Variants in SNRPN observed in about 807,000 individuals in gnomAD.
SNRPN encodes small nuclear ribonucleoprotein-associated protein N.
A neutral mutation model predicts 25.2 loss-of-function variants in SNRPN; 7 were observed. The observed-to-expected ratio is 0.28, with a 90% CI of 0.16 to 0.52. The LOEUF is 0.52. SNRPN is among the 20% of genes least tolerant of loss of function. The pLI is 0.96. For missense variants in SNRPN, 196 were observed against 322.5 expected (o/e 0.61, Z 3.00); for synonymous variants, 124 against 110.6 (o/e 1.12, Z -0.76).
intron 3 of SNRPN, among the ~76,000 whole-genome samples, chr15:24,945,343 TAAAAAA>T (rs11422448): frequency 3.6e-5 from 3 of 83,734 alleles, no homozygotes; most frequent in African/African-American, 9.9e-5. Context: ...ACCCACCATG[TAAAAAA>T]AAAAAAAAAA....
At chr15:24,950,544 C>CTT (rs1024998270), upstream of SNRPN, among the ~76,000 whole-genome samples, 133 of 97,092 alleles carry the variant, frequency 1.4e-3, no homozygotes, top group African/African-American at 2.3e-3. Flanking sequence ...GTTCTCATTT[C>CTT]TTTTTTTTTT....
In SNRPN at chr15:24,919,443, A is replaced by AT. The variant is rs1176424406; in HGVS notation, c.-504-568_-504-567insT. Among the ~76,000 whole-genome samples the AT allele has an allele frequency of 6.6e-3, 1,003 of 151,586 alleles. 15 individuals carry two copies. Among genetic ancestry groups the AT allele is most frequent in the Middle Eastern group, 0.065 (19 of 294 alleles). ...GAGACTCTGTCTCAAAAAAAAAAAA[A>AT]AAATATTCAATTATGCTTGTTAAAG... is the stretch of plus-strand genomic sequence containing the variant. On this transcript the variant is annotated intron_variant, in intron 2 of 11. Transcript: ENST00000400097.
At chr15:24,969,108 T>C (rs1300445899) in intron 3 of SNRPN, among the ~76,000 whole-genome samples, 1 of 152,090 alleles carries the variant, frequency 6.6e-6, no homozygotes, top group East Asian at 1.9e-4. Context: ...GGCTTGTTTA[T>C]GGCCACCATT....
intron 1 of SNRPN, among the ~76,000 whole-genome samples, chr15:24,956,146 G>A (rs936497732): frequency 6.6e-6 from 1 of 152,184 alleles, no homozygotes; most frequent in African/African-American, 2.4e-5. Context: ...CTGGAATGAT[G>A]TGCAGAACTT....
chr15:24,884,637 T>C (rs189276103), intron 1 of SNRPN, among the ~76,000 whole-genome samples: 9 of 152,326 alleles, frequency 5.9e-5, no homozygotes, highest in African/African-American at 2.2e-4. Context: ...TAAATTTTGT[T>C]ATCTTAAAGC....
intron 3 of SNRPN, among the ~76,000 whole-genome samples, chr15:24,924,429 G>GT (rs145964164): frequency 0.026 from 3,892 of 152,132 alleles, 168 homozygotes; most frequent in African/African-American, 0.09. Flanking sequence ...TGGTTAGTGA[G>GT]TTTCCTGGGG....
chr15:24,893,208 AAAACAAAC>A (rs113345707), intron 2 of SNRPN, among the ~76,000 whole-genome samples: 4 of 140,250 alleles, frequency 2.9e-5, no homozygotes, highest in African/African-American at 5.7e-5. Context: ...ACTCTGTCTC[AAAACAAAC>A]AAACAAACAA....
chr15:24,826,446 G>T (rs2141008924), intron 1 of SNRPN, among the ~76,000 whole-genome samples: 1 of 152,210 alleles, frequency 6.6e-6, no homozygotes, highest in South Asian at 2.1e-4. Context: ...GATGTACTGT[G>T]TCTTGCCAAC....
At chr15:24,932,423 G>A (rs997647862) in intron 3 of SNRPN, among the ~76,000 whole-genome samples, 1 of 151,958 alleles carries the variant, frequency 6.6e-6, no homozygotes, top group Non-Finnish European at 1.5e-5. Context: ...TAGTAGAAAC[G>A]GGGTTTCACC....
Position 24,975,414 on chromosome 15 carries a change from C to G in SNRPN, c.60C>G (p.Ile20Met). The G allele has an allele frequency of 6.2e-7, 1 of 1,612,758 alleles. No homozygotes were observed. Residue 20 changes from isoleucine to methionine, a missense_variant, in exon 5 of 10, where the codon ATC becomes ATG. Physicochemically the swap from Ile to Met is conservative, Grantham distance 10 (BLOSUM62 1). Coordinates refer to ENST00000390687, the MANE Select transcript of SNRPN (RefSeq NM_003097.6). ...LQHIDYRMRC[I>M]LQDGRIFIGT... ...ACATTGACTATAGAATGAGATGTAT[C>G]CTGCAAGATGGCCGAATCTTCATTG...
At chr15:24,884,928 A>G (rs2057059298) in intron 1 of SNRPN, among the ~76,000 whole-genome samples, 1 of 152,188 alleles carries the variant, frequency 6.6e-6, no homozygotes, top group Non-Finnish European at 1.5e-5. Context: ...AAAGCTACTC[A>G]GCTATAGAGT....
Position 24,873,197 on chromosome 15 carries a change from G to GCA in SNRPN, c.-578-13316_-578-13315dup, listed in dbSNP as rs2055381910. On this transcript the variant is annotated intron_variant, in intron 1 of 11. Coordinates refer to the SNRPN transcript ENST00000400097. Reference sequence around the variant, plus strand: ...AAAAAAAGCAACAGGGATTCCCATAGCACAACGACATCACTCTGCTGGACA... The same window carrying GCA: ...AAAAAAAGCAACAGGGATTCCCATAGCACACAACGACATCACTCTGCTGGACA... Among the ~76,000 whole-genome samples, 2 of 120,996 alleles carry GCA rather than the reference G, an allele frequency of 1.7e-5. 1 individual carries two copies. Among genetic ancestry groups the GCA allele is most frequent in the South Asian group, 5.9e-4 (2 of 3,390 alleles). The allele number at this position is 120,996 out of a possible 152,430, so 79.4% of individuals were successfully genotyped here. A position where few individuals can be genotyped will look rare whatever the true frequency, so the allele number is the denominator to read the frequency against.
rs147691112 is a variant in SNRPN at position 24,879,702 on chromosome 15, A to G, written c.-578-6814A>G. On this transcript the variant is annotated intron_variant, in intron 1 of 11. Transcript: ENST00000400097. Reference sequence around the variant, plus strand: ...ATGGCCTGAGGGTCAAATTCTGCCCAGCATGTTTGCTTTCTTTTTTAAATA... The same window carrying G: ...ATGGCCTGAGGGTCAAATTCTGCCCGGCATGTTTGCTTTCTTTTTTAAATA... Among the ~76,000 whole-genome samples the G allele has an allele frequency of 2.2e-3, 328 of 152,322 alleles. 2 individuals are homozygous for G. Among genetic ancestry groups the G allele is most frequent in the Non-Finnish European group, 1.0e-3 (71 of 68,030 alleles).
At chr15:24,841,753 A>T (rs2051725039) in intron 2 of SNRPN, among the ~76,000 whole-genome samples, 1 of 151,284 alleles carries the variant, frequency 6.6e-6, no homozygotes, top group African/African-American at 2.4e-5. Context: ...TTCGAGCCTG[A>T]CTCTTCCCAT....
chr15:24,968,894 A>C (rs2076037085), intron 3 of SNRPN: 2 of 152,246 alleles, frequency 1.3e-5, no homozygotes, highest in Middle Eastern at 3.4e-3. Context: ...GTTATTACAA[A>C]GTCGATTTTG....
At chr15:24,899,665 G>A (rs1264823676) in intron 2 of SNRPN, among the ~76,000 whole-genome samples, 1 of 152,170 alleles carries the variant, frequency 6.6e-6, no homozygotes, top group African/African-American at 2.4e-5. Context: ...GTGGTTTCTA[G>A]TGTAGTGCTT....
At chr15:24,871,735 C>T (rs1014912446) in intron 1 of SNRPN, among the ~76,000 whole-genome samples, 11 of 150,764 alleles carry the variant, frequency 7.3e-5, no homozygotes, top group Admixed American at 1.3e-4. Flanking sequence ...GACAAAGTCT[C>T]GCTCTGTTGC....
At chr15:24,905,708 A>C (rs2058756997) in intron 2 of SNRPN, among the ~76,000 whole-genome samples, 1 of 152,196 alleles carries the variant, frequency 6.6e-6, no homozygotes, top group African/African-American at 2.4e-5. Context: ...AGAAAAACAA[A>C]GATTAATATT....
intron 3 of SNRPN, among the ~76,000 whole-genome samples, chr15:24,939,724 C>T (rs141906921): frequency 6.6e-6 from 1 of 150,686 alleles, no homozygotes; most frequent in African/African-American, 2.4e-5. Context: ...TGAGCCGCTG[C>T]ACCTGGCTTG....
Sources: allele counts gnomAD v4.1 joint callset (sites outside exome capture counted in the v4.1 genomes callset), GRCh38; gene constraint gnomAD v4.1.1; transcripts MANE v1.5; gene names NCBI Gene and HGNC (gene_info 2026-07-23, HGNC 2026-07-21).